The following SFXN4 variants were observed in gnomAD, a reference collection of about 807,000 sequenced individuals.
The protein encoded by SFXN4 is sideroflexin-4.
Under a neutral mutation model 54.6 loss-of-function variants are expected in SFXN4, and 48 were observed. That is an observed-to-expected ratio of 0.88 (90% CI 0.70 to 1.12). The LOEUF is 1.12. Among genes scored for constraint, SFXN4 ranks in the 50% most tolerant of loss-of-function variants. The pLI is 0.00. For synonymous variants in SFXN4, 130 were observed against 145.5 expected (o/e 0.89, Z 0.77); for missense variants, 383 against 409.2 (o/e 0.94, Z 0.55).
At chr10:119,149,858 C>T (rs1454740568) in intron 11 of SFXN4, among the ~76,000 whole-genome samples, 3 of 152,322 alleles carry the variant, frequency 2.0e-5, no homozygotes, top group South Asian at 2.1e-4. Context: ...ATCAGTGGGG[C>T]GAGGCCCGCC....
At chr10:119,149,016 A>G (rs1846938963) in intron 11 of SFXN4, among the ~76,000 whole-genome samples, 1 of 152,106 alleles carries the variant, frequency 6.6e-6, no homozygotes, top group South Asian at 2.1e-4. Flanking sequence ...CCTCCCGAGT[A>G]GCCAGGATCA....
intron 13 of SFXN4, 111 bp downstream of exon 13, chr10:119,146,125 C>T: frequency 1.5e-6 from 1 of 669,502 alleles, no homozygotes; most frequent in East Asian, 2.8e-5. Context: ...TGCACCTGGT[C>T]TTATTTTATA....
chr10:119,148,309 T>TA (rs1846906676), intron 11 of SFXN4, among the ~76,000 whole-genome samples: 1 of 152,114 alleles, frequency 6.6e-6, no homozygotes, highest in Non-Finnish European at 1.5e-5. Flanking sequence ...GCCTTCCACG[T>TA]AACTTTCCAT....
rs886348611 is a variant in SFXN4, at chr10:119,159,756, G to T, written c.335-3C>A. Reference sequence around the variant, plus strand: ...GGGTGCCATGAAAGGCAGGAACGCTGGCAGGAAGAGAAGAGAGGAGGTGTC... The same window carrying T: ...GGGTGCCATGAAAGGCAGGAACGCTTGCAGGAAGAGAAGAGAGGAGGTGTC... On this transcript the variant is annotated splice_region_variant and splice_polypyrimidine_tract_variant and intron_variant, in intron 5 of 13. Coordinates refer to ENST00000355697, the MANE Select transcript of SFXN4 (RefSeq NM_213649.2). The T allele has an allele frequency of 5.6e-6, 9 of 1,614,086 alleles. No homozygotes were observed. In the East Asian group the frequency reaches 2.0e-4, roughly 36 times the overall value.
intron 12 of SFXN4, among the ~76,000 whole-genome samples, chr10:119,147,548 G>A (rs918631653): frequency 3.3e-5 from 5 of 152,146 alleles, no homozygotes; most frequent in African/African-American, 7.2e-5. Flanking sequence ...CCAAGGACAC[G>A]GGGTAACTGG....
At position 119,158,012 on chromosome 10, in the gene SFXN4, A is replaced by G. The variant is rs1227682884; in HGVS notation, c.411T>C (p.Pro137=). The G allele has an allele frequency of 6.2e-7, 1 of 1,614,196 alleles. No individual in the cohort carries two copies. Among genetic ancestry groups the G allele is most frequent in the East Asian group, 2.2e-5 (1 of 44,896 alleles). Residue 137 remains proline (P), a synonymous_variant, in exon 7 of 14, where the codon CCT becomes CCC. Transcript: ENST00000355697. ...PLKGIKSVIL[P]QVFLCAYMAA... ...GTGAAACAGGAAGAATGGCTACCTG[A>G]GGTAAAATCACGGACTTGATCCCTT... is the stretch of plus-strand genomic sequence containing the variant.
At chr10:119,145,740 GGTTAA>G (rs1312870845) in intron 13 of SFXN4, among the ~76,000 whole-genome samples, 22 of 152,126 alleles carry the variant, frequency 1.4e-4, no homozygotes, top group African/African-American at 5.3e-4. Flanking sequence ...AGCTATTAAT[GGTTAA>G]GTTTTCAGGG....
Position 119,147,821 on chromosome 10 carries a change from C to T in SFXN4, c.772G>A (p.Gly258Arg). ...ETLASRIVLFGTSALIPEVFT... is the reference protein window; with the variant it reads ...ETLASRIVLFRTSALIPEVFT... ...ACTTCAGGAATCAGAGCTGAGGTCC[C>T]AAACAGCACTATTCTGGATGCTAGC... is the stretch of plus-strand genomic sequence containing the variant. The change falls in exon 12 of 14, where the codon GGG becomes AGG. Residue 258 changes from glycine to arginine, a missense_variant. By Grantham distance (125) the Gly-to-Arg change is moderately radical. Coordinates refer to ENST00000355697, the MANE Select transcript of SFXN4 (RefSeq NM_213649.2). The T allele has an allele frequency of 6.2e-6, 10 of 1,614,136 alleles. No homozygotes were observed. Among genetic ancestry groups the T allele is most frequent in the Non-Finnish European group, 8.5e-6 (10 of 1,180,002 alleles).
Position 119,165,692 on chromosome 10 carries a change from G to A in SFXN4, c.-45C>T. The A allele has an allele frequency of 1.4e-6, 2 of 1,437,076 alleles. No individual in the cohort carries two copies. Among genetic ancestry groups the A allele is most frequent in the Non-Finnish European group, 9.2e-7 (1 of 1,088,930 alleles). 89.0% of individuals were successfully genotyped at this position (1,437,076 alleles called of 1,614,324 possible). On this transcript the variant is annotated 5_prime_UTR_variant, in exon 1 of 14. Coordinates refer to ENST00000355697, the MANE Select transcript of SFXN4 (RefSeq NM_213649.2). ...CCGCCGCCGCCAGGCCGCGCGTGGAGGAGGAGCCGGGCGGCGAGCCCCGCC... is the reference window on the plus strand; with the variant it reads ...CCGCCGCCGCCAGGCCGCGCGTGGAAGAGGAGCCGGGCGGCGAGCCCCGCC...
intron 1 of SFXN4, 35 bp from the exon 2 acceptor site, chr10:119,164,231 G>A: frequency 1.5e-6 from 2 of 1,295,248 alleles, no homozygotes; most frequent in Non-Finnish European, 2.2e-6. Context: ...GAGGTTAATG[G>A]CAGCAGAAAA....
At chr10:119,161,435 A>AC (rs1443296060) in intron 3 of SFXN4, among the ~76,000 whole-genome samples, 27 of 125,346 alleles carry the variant, frequency 2.2e-4, no homozygotes, top group African/African-American at 7.6e-4. Context: ...AACAAAAAAA[A>AC]ACAAAAAAAA....
intron 8 of SFXN4, 43 bp from the exon 9 acceptor site, chr10:119,157,776 T>C: frequency 6.2e-7 from 1 of 1,604,950 alleles, no homozygotes. Flanking sequence ...TATCACAGTT[T>C]TATCCAGCAA....
intron 11 of SFXN4, among the ~76,000 whole-genome samples, chr10:119,154,201 G>A (rs1423542933): frequency 6.6e-6 from 1 of 151,496 alleles, no homozygotes; most frequent in Non-Finnish European, 1.5e-5. Flanking sequence ...AAGAAAAGAA[G>A]GTTACCCTCC....
At chr10:119,159,781 C>A in intron 5 of SFXN4, 28 bp from the exon 6 acceptor site, 1 of 1,613,934 alleles carries the variant, frequency 6.2e-7, no homozygotes, top group South Asian at 1.1e-5. Context: ...GAGGAGGTGT[C>A]AGTGATCACA....
At position 119,144,986 on chromosome 10, in the gene SFXN4, T is replaced by A. The variant is rs183260114; in HGVS notation, c.936+1250A>T. 1.2e-3 allele frequency among the ~76,000 whole-genome samples: 188 copies of A among 152,304 alleles called. 2 individuals are homozygous for A. The highest frequency in any genetic ancestry group is 4.4e-3 in the African/African-American group (181 of 41,548). Reference sequence around the variant, plus strand: ...TATTTAAAATTTCTCTAAGTAATTTTAAAAGATTTCTTTTTATGCCCCAGA... The same window carrying A: ...TATTTAAAATTTCTCTAAGTAATTTAAAAAGATTTCTTTTTATGCCCCAGA... On this transcript the variant is annotated intron_variant, in intron 13 of 13. Transcript: ENST00000355697.
chr10:119,150,584 G>A (rs968389931), intron 11 of SFXN4, among the ~76,000 whole-genome samples: 5 of 151,988 alleles, frequency 3.3e-5, no homozygotes, highest in African/African-American at 4.8e-5. Context: ...CAGGAGGGTC[G>A]CTTGAGCCCA....
chr10:119,154,289 T>C (rs1847190723), intron 11 of SFXN4, among the ~76,000 whole-genome samples: 1 of 152,184 alleles, frequency 6.6e-6, no homozygotes, highest in South Asian at 2.1e-4. Context: ...AGAAATTCTG[T>C]CTCAAGGCTG....
rs78665128 is a variant in SFXN4, at chr10:119,154,811, C to T, written c.732+251G>A. 0.024 allele frequency among the ~76,000 whole-genome samples: 3,642 copies of T among 152,190 alleles called. 167 individuals carry two copies. The highest frequency in any genetic ancestry group is 0.084 in the African/African-American group (3,483 of 41,522). The stretch of plus-strand genomic sequence containing the variant: ...TGCACCATTGCACTCCAGGCCAGTG[C>T]GACAGAGCAAGACCCTGTCTCAGAA... On this transcript the variant is annotated intron_variant, in intron 11 of 13. Transcript: ENST00000355697.
chr10:119,160,845 C>G (rs1847498661), intron 5 of SFXN4, 70 bp downstream of exon 5: 2 of 1,500,258 alleles, frequency 1.3e-6, no homozygotes, highest in Non-Finnish European at 1.9e-6. Context: ...GGTGATCCGG[C>G]AGGCAGAGTT....
Sources: gnomAD v4.1 joint callset for allele counts (sites outside exome capture counted in the v4.1 genomes callset) on GRCh38, gnomAD v4.1.1 for gene constraint, MANE v1.5 for transcripts, NCBI Gene and HGNC (gene_info 2026-07-23, HGNC 2026-07-21) for gene names.